Variants in SH3RF3 observed in about 807,000 individuals in gnomAD.
SH3RF3 encodes the protein SH3 domain containing ring finger 3.
In SH3RF3, 29 loss-of-function variants were observed where a neutral mutation model predicts 66.3. The ratio of observed to expected loss-of-function variants is 0.44; its 90% CI spans 0.33 to 0.60. The LOEUF is 0.60. SH3RF3 is among the 20% of genes least tolerant of loss of function. The pLI is 0.04. For missense variants in SH3RF3, 1,194 were observed against 1,190.9 expected, an observed-to-expected ratio of 1.00 and a Z score of -0.04; for synonymous variants, 583 against 532.0, an observed-to-expected ratio of 1.10 and a Z score of -1.32.
intron 9 of SH3RF3, among the ~76,000 whole-genome samples, chr2:109,498,224 C>G (rs906200364): frequency 2.0e-5 from 3 of 152,184 alleles, no homozygotes; most frequent in Non-Finnish European, 4.4e-5. Context: ...ACCAGTCCAA[C>G]CATCGTGCAC....
chr2:109,146,024 T>C (rs181409058), intron 1 of SH3RF3, among the ~76,000 whole-genome samples: 30 of 151,926 alleles, frequency 2.0e-4, no homozygotes, highest in African/African-American at 7.3e-4. Flanking sequence ...CTTGTCTATG[T>C]GGGCCGACGG....
chr2:109,141,220 A>T (rs1280060139), intron 1 of SH3RF3, among the ~76,000 whole-genome samples: 1 of 152,064 alleles, frequency 6.6e-6, no homozygotes, highest in Non-Finnish European at 1.5e-5. Context: ...TTATTTGTTC[A>T]GGCTGTTTCA....
chr2:109,433,880 A>G (rs1289428949), intron 6 of SH3RF3, among the ~76,000 whole-genome samples: 1 of 152,208 alleles, frequency 6.6e-6, no homozygotes, highest in Non-Finnish European at 1.5e-5. Flanking sequence ...GCTTCAGGAA[A>G]TGCACCCCCT....
intron 1 of SH3RF3, among the ~76,000 whole-genome samples, chr2:109,215,201 C>T (rs564377437): frequency 6.6e-6 from 1 of 152,122 alleles, no homozygotes; most frequent in Non-Finnish European, 1.5e-5. Context: ...AAGTCTGTAA[C>T]CTCCCCTCAT....
rs565625508 is a variant in SH3RF3, at chr2:109,448,720, T to C, written c.1829-450T>C. Among the ~76,000 whole-genome samples the C allele has an allele frequency of 3.9e-5, 6 of 152,266 alleles. No homozygotes were observed. In the South Asian group the frequency reaches 1.2e-3, roughly 32 times the overall value. ...ACTATATATTACAATGTAGTAATAA[T>C]AGAAATAAAGTACATAACAAATGTA... On this transcript the variant is annotated intron_variant, in intron 7 of 9. Transcript: ENST00000309415.
rs1412009077 is a variant in SH3RF3 at position 109,160,981 on chromosome 2, G to A, written c.573+30868G>A. Among the ~76,000 whole-genome samples, 9 of 152,144 alleles carry A rather than the reference G, an allele frequency of 5.9e-5. 1 individual carries two copies. The highest frequency in any genetic ancestry group is 6.3e-3 in the Middle Eastern group (2 of 316). On this transcript the variant is annotated intron_variant, in intron 1 of 9. Transcript: ENST00000309415. ...GGGCGTGGCAGGGGCTCAGAGAGGTGGGGGATCCCTGGGAGAACTGAGCCT... is the reference window on the plus strand; with the variant it reads ...GGGCGTGGCAGGGGCTCAGAGAGGTAGGGGATCCCTGGGAGAACTGAGCCT...
chr2:109,350,048 C>T (rs768100689), intron 2 of SH3RF3, among the ~76,000 whole-genome samples: 3 of 152,196 alleles, frequency 2.0e-5, no homozygotes, highest in South Asian at 2.1e-4. Flanking sequence ...CGAGCTGCAT[C>T]GGATCACCAG....
chr2:109,199,974 G>GT (rs888249675), intron 1 of SH3RF3, among the ~76,000 whole-genome samples: 9 of 151,960 alleles, frequency 5.9e-5, no homozygotes, highest in African/African-American at 2.2e-4. Context: ...TCTGGGGACA[G>GT]TTTTGGTTGT....
intron 1 of SH3RF3, among the ~76,000 whole-genome samples, chr2:109,132,647 A>G (rs937377062): frequency 1.4e-4 from 21 of 152,230 alleles, no homozygotes; most frequent in Non-Finnish European, 2.8e-4. Context: ...GTTGCTTCTT[A>G]AAGTGTGTTC....
At chr2:109,164,955 G>A (rs753398248) in intron 1 of SH3RF3, among the ~76,000 whole-genome samples, 31 of 152,180 alleles carry the variant, frequency 2.0e-4, no homozygotes, top group Non-Finnish European at 3.7e-4. Context: ...TGGGGAGGTC[G>A]TAATTGTTTT....
chr2:109,449,121 A>G, intron 7 of SH3RF3, 49 bp from the exon 8 acceptor site: 1 of 1,577,336 alleles, frequency 6.3e-7, no homozygotes, highest in Non-Finnish European at 8.6e-7. Context: ...AGGCATGGCA[A>G]GTTGCAAACT....
intron 1 of SH3RF3, among the ~76,000 whole-genome samples, chr2:109,227,938 C>A (rs1165339813): frequency 6.6e-6 from 1 of 152,214 alleles, no homozygotes; most frequent in East Asian, 1.9e-4. Context: ...GTTTCCCAAA[C>A]AAACGTGCAT....
In SH3RF3 at chr2:109,357,306, C is replaced by T. The variant is rs536566421; in HGVS notation, c.849+9357C>T. ...ATGCCATTCTCCTGCCTCAGCCTCC[C>T]GAGTAGCTGGGACTACAGGCACCCA... On this transcript the variant is annotated intron_variant, in intron 2 of 9. Transcript: ENST00000309415. Among the ~76,000 whole-genome samples, 14 of 152,124 alleles carry T rather than the reference C, an allele frequency of 9.2e-5. No individual in the cohort carries two copies. In the South Asian group the frequency reaches 1.0e-3, roughly 11 times the overall value.
At position 109,129,587 on chromosome 2, in the gene SH3RF3, CT is replaced by C; in HGVS notation, c.48del (p.Ala17LeufsTer253). On this transcript the variant is annotated frameshift_variant, in exon 1 of 10. Coordinates refer to ENST00000309415, the MANE Select transcript of SH3RF3 (RefSeq NM_001099289.3). LOFTEE classifies it high-confidence loss of function. ...SWLCASKAAA[A>X]AAQSEGDEDR... Reference sequence around the variant, plus strand: ...CTGTGCGCATCCAAGGCGGCCGCCGCTGCTGCGCAGAGCGAGGGCGACGAGG... The same window carrying C: ...CTGTGCGCATCCAAGGCGGCCGCCGCGCTGCGCAGAGCGAGGGCGACGAGG... 6.7e-7 allele frequency: 1 copy of C among 1,484,870 alleles called. No homozygotes were observed. The allele number at this position is 1,484,870 out of a possible 1,614,324, so 92.0% of individuals were successfully genotyped here.
At chr2:109,158,480 C>T (rs1293673663) in intron 1 of SH3RF3, among the ~76,000 whole-genome samples, 1 of 152,200 alleles carries the variant, frequency 6.6e-6, no homozygotes, top group Non-Finnish European at 1.5e-5. Flanking sequence ...CAAGGCTCAG[C>T]CACTTCATCC....
At chr2:109,246,290 C>T (rs1222365232) in intron 1 of SH3RF3, among the ~76,000 whole-genome samples, 1 of 152,188 alleles carries the variant, frequency 6.6e-6, no homozygotes, top group Non-Finnish European at 1.5e-5. Context: ...CTGGCAGATT[C>T]GATGTCTGGT....
At chr2:109,167,146 C>T (rs538162188) in intron 1 of SH3RF3, among the ~76,000 whole-genome samples, 4 of 152,160 alleles carry the variant, frequency 2.6e-5, no homozygotes, top group Non-Finnish European at 5.9e-5. Flanking sequence ...TGATATGGTT[C>T]CTGGCATATG....
chr2:109,457,493 A>G (rs2104669104), intron 8 of SH3RF3, among the ~76,000 whole-genome samples: 1 of 152,374 alleles, frequency 6.6e-6, no homozygotes, highest in Admixed American at 6.5e-5. Context: ...CACCCTCCCC[A>G]AAGGGCACTG....
chr2:109,475,404 A>T (rs1185703697), intron 8 of SH3RF3, among the ~76,000 whole-genome samples: 1 of 152,222 alleles, frequency 6.6e-6, no homozygotes, highest in Admixed American at 6.5e-5. Context: ...CCTGCCTTCC[A>T]GGAGCTGTTC....
Sources: gnomAD v4.1 joint callset for allele counts (sites outside exome capture counted in the v4.1 genomes callset) on GRCh38, gnomAD v4.1.1 for gene constraint, MANE v1.5 for transcripts, NCBI Gene and HGNC (gene_info 2026-07-23, HGNC 2026-07-21) for gene names.